TRIT1: variants seen among roughly 807,000 people sequenced by gnomAD.
TRIT1 encodes the protein tRNA dimethylallyltransferase.
A neutral mutation model predicts 51.2 loss-of-function variants in TRIT1; 43 were observed. The observed-to-expected ratio is 0.84, with a 90% CI of 0.66 to 1.08. TRIT1 has a LOEUF of 1.08. Among genes scored for constraint, TRIT1 ranks in the 50% least tolerant of loss-of-function variants. The pLI is 0.00. For synonymous variants in TRIT1, 184 were observed against 203.9 expected (o/e 0.90, Z 0.83); for missense variants, 528 against 578.4 (o/e 0.91, Z 0.89).
chr1:39,868,656 A>AC (rs1643686813), intron 1 of TRIT1, among the ~76,000 whole-genome samples: 1 of 151,548 alleles, frequency 6.6e-6, no homozygotes, highest in African/African-American at 2.4e-5. Context: ...AAAAAAAAAA[A>AC]AAAAAACTCT....
intron 5 of TRIT1, among the ~76,000 whole-genome samples, chr1:39,848,595 G>A (rs921527019): frequency 1.3e-5 from 2 of 151,174 alleles, no homozygotes; most frequent in South Asian, 2.1e-4. Flanking sequence ...GGAGGCCGAG[G>A]TGGGTGGATC....
chr1:39,877,378 G>A (rs867295407), intron 1 of TRIT1, among the ~76,000 whole-genome samples: 12 of 148,320 alleles, frequency 8.1e-5, no homozygotes, highest in African/African-American at 3.0e-4. Context: ...TCTATTGGAT[G>A]ACGAGATGAC....
At chr1:39,853,824 G>A (rs78738576) in intron 3 of TRIT1, 146 bp downstream of exon 3, 146 of 605,944 alleles carry the variant, frequency 2.4e-4, no homozygotes, top group Middle Eastern at 1.0e-3. Flanking sequence ...ACACATGGAG[G>A]TGGCATTTGC....
intron 5 of TRIT1, among the ~76,000 whole-genome samples, chr1:39,848,952 G>A (rs2124593182): frequency 6.6e-6 from 1 of 152,032 alleles, no homozygotes. Context: ...ATTATTTTAT[G>A]CTGCCTGTAG....
At chr1:39,867,073 T>C (rs1366996448) in intron 1 of TRIT1, among the ~76,000 whole-genome samples, 1 of 152,252 alleles carries the variant, frequency 6.6e-6, no homozygotes, top group South Asian at 2.1e-4. Context: ...TAGTGCAGAT[T>C]ATGGCTTTTA....
rs555173540 is a variant in TRIT1, at chr1:39,848,176, G to A, written c.704-79C>T. 3.9e-5 allele frequency: 40 copies of A among 1,033,110 alleles called. No individual in the cohort carries two copies. The Middle Eastern group carries it at 6.2e-4, about 16-fold the overall frequency. The allele number at this position is 1,033,110 out of a possible 1,614,324, so 64.0% of individuals were successfully genotyped here. ...TACTTACATGACGAGTGAACAGGTG[G>A]TCACAAAAAAAGAGAATTTGTCCAA... On this transcript the variant is annotated intron_variant, in intron 5 of 10. Coordinates refer to ENST00000316891, the MANE Select transcript of TRIT1 (RefSeq NM_017646.6).
At chr1:39,865,592 C>CGTGGGTG (rs148559430) in intron 1 of TRIT1, among the ~76,000 whole-genome samples, 27,370 of 148,118 alleles carry the variant, frequency 0.18, 2,562 homozygotes, top group East Asian at 0.29. Context: ...ATCCCAGCAC[C>CGTGGGTG]GTGGGTGGCT....
rs558100787 is a variant in TRIT1 at position 39,838,781 on chromosome 1, G to A, written c.*2963C>T. 1.1e-4 allele frequency among the ~76,000 whole-genome samples: 17 copies of A among 152,276 alleles called. No homozygotes were observed. In the East Asian group the frequency reaches 3.1e-3, roughly 28 times the overall value. On this transcript the variant is annotated 3_prime_UTR_variant, in exon 11 of 11. Coordinates refer to ENST00000316891, the MANE Select transcript of TRIT1 (RefSeq NM_017646.6). ...TACCCAAAGCGTTGGGATTACAGGC[G>A]TGAGCCACCACTCCCGGACTGTTAT...
intron 1 of TRIT1, chr1:39,862,651 A>C (rs189331611): frequency 4.5e-6 from 2 of 443,606 alleles, no homozygotes; most frequent in African/African-American, 4.3e-5. Flanking sequence ...GAAATTAATC[A>C]ATTTTGTAAG....
intron 6 of TRIT1, 21 bp from the exon 7 acceptor site, chr1:39,847,681 G>A: frequency 1.2e-6 from 2 of 1,614,118 alleles, no homozygotes; most frequent in Non-Finnish European, 1.7e-6. Context: ...GAGGGTATCA[G>A]CAGATAAGCC....
chr1:39,852,505 G>A (rs1166878277), intron 4 of TRIT1: 3 of 511,652 alleles, frequency 5.9e-6, no homozygotes, highest in Non-Finnish European at 1.0e-5. Context: ...AGGGGAAAAC[G>A]ATATTGTACT....
At chr1:39,878,454 G>C (rs1424905857) in intron 1 of TRIT1, among the ~76,000 whole-genome samples, 1 of 152,202 alleles carries the variant, frequency 6.6e-6, no homozygotes. Context: ...ACATTTTAAA[G>C]CAGGACAAAG....
intron 8 of TRIT1, among the ~76,000 whole-genome samples, chr1:39,846,193 G>A (rs923472052): frequency 4.6e-5 from 7 of 152,232 alleles, no homozygotes. Flanking sequence ...CCACTGGAGA[G>A]CTCAGGCAGA....
chr1:39,844,059 C>G (rs768443062), intron 10 of TRIT1, 42 bp downstream of exon 10: 1 of 1,424,548 alleles, frequency 7.0e-7, no homozygotes, highest in South Asian at 1.2e-5. Flanking sequence ...TCAATGTGAA[C>G]CCACCCTTAT....
intron 1 of TRIT1, among the ~76,000 whole-genome samples, chr1:39,872,337 GC>G (rs1643905910): frequency 6.6e-6 from 1 of 152,080 alleles, no homozygotes; most frequent in African/African-American, 2.4e-5. Flanking sequence ...AACAAAAGGA[GC>G]TGATCTAAGT....
chr1:39,846,058 T>G (rs999883429), intron 8 of TRIT1, among the ~76,000 whole-genome samples: 1 of 152,218 alleles, frequency 6.6e-6, no homozygotes, highest in African/African-American at 2.4e-5. Flanking sequence ...AGAAGCTGCA[T>G]TAGAAATTTG....
In TRIT1 at chr1:39,839,856, C is replaced by G. The variant is rs1652495289; in HGVS notation, c.*1888G>C. The stretch of plus-strand genomic sequence containing the variant: ...GCTTTTTGACGTACAATTATTAAAA[C>G]TAGTTTTTCCTGCTTGTCTACTGAA... On this transcript the variant is annotated 3_prime_UTR_variant, in exon 11 of 11. Coordinates refer to ENST00000316891, the MANE Select transcript of TRIT1 (RefSeq NM_017646.6). 1.3e-5 allele frequency among the ~76,000 whole-genome samples: 2 copies of G among 152,272 alleles called. No homozygotes were observed. Among genetic ancestry groups the G allele is most frequent in the South Asian group, 4.1e-4 (2 of 4,832 alleles).
At chr1:39,845,980 AG>A (rs1336508233) in intron 8 of TRIT1, among the ~76,000 whole-genome samples, 2 of 152,260 alleles carry the variant, frequency 1.3e-5, no homozygotes, top group Non-Finnish European at 2.9e-5. Flanking sequence ...GTTTTACTAC[AG>A]GAAGAAGTTC....
In TRIT1 at chr1:39,844,179, T is replaced by C; in HGVS notation, c.1156A>G (p.Asn386Asp). Residue 386 changes from asparagine to aspartate, a missense_variant, in exon 10 of 11, where the codon AAT becomes GAT. Coordinates refer to ENST00000316891, the MANE Select transcript of TRIT1 (RefSeq NM_017646.6). Reference sequence around the variant, plus strand: ...TAACTTCTCTTGTTCTCAGCTTCATTGTATGGCATCTTTATTGGAGTGGCT... The same window carrying C: ...TAACTTCTCTTGTTCTCAGCTTCATCGTATGGCATCTTTATTGGAGTGGCT... ...PTATPIKMPY[N>D]EAENKRSYHL... 1.2e-6 allele frequency: 2 copies of C among 1,614,220 alleles called. No individual in the cohort carries two copies. The highest frequency in any genetic ancestry group is 1.7e-6 in the Non-Finnish European group (2 of 1,180,026).
Sources: gnomAD v4.1 joint callset for allele counts (sites outside exome capture counted in the v4.1 genomes callset) on GRCh38, gnomAD v4.1.1 for gene constraint, MANE v1.5 for transcripts, NCBI Gene and HGNC (gene_info 2026-07-23, HGNC 2026-07-21) for gene names.